SLC14A2: variants seen among roughly 807,000 people sequenced by gnomAD.
SLC14A2 encodes the protein solute carrier family 14 member 2.
A neutral mutation model predicts 104.6 loss-of-function variants in SLC14A2; 91 were observed. The ratio of observed to expected loss-of-function variants is 0.87; its 90% CI spans 0.73 to 1.04. SLC14A2 has a LOEUF of 1.04. SLC14A2 is among the 50% of genes least tolerant of loss of function. SLC14A2 has a pLI of 0.00. For missense variants in SLC14A2, 1,189 were observed against 1,156.0 expected (o/e 1.03, Z -0.41); for synonymous variants, 476 against 466.4 (o/e 1.02, Z -0.27).
chr18:45,174,659 G>A, the SLC14A2 span, among the ~76,000 whole-genome samples: 5 of 152,082 alleles, frequency 3.3e-5, no homozygotes, highest in South Asian at 4.1e-4. Context: ...TATTAACAGA[G>A]AATTCAGGAA....
chr18:45,305,719 G>T (rs934679119), intron 1 of SLC14A2, among the ~76,000 whole-genome samples: 1 of 152,036 alleles, frequency 6.6e-6, no homozygotes, highest in Non-Finnish European at 1.5e-5. Flanking sequence ...TCCCCTGCCA[G>T]ATTTCTTCTC....
intron 1 of SLC14A2, among the ~76,000 whole-genome samples, chr18:45,285,661 G>GGCCCCC (rs2084805921): frequency 8.0e-6 from 1 of 124,982 alleles, no homozygotes; most frequent in Non-Finnish European, 1.8e-5. Flanking sequence ...CAGGTGATCT[G>GGCCCCC]CCCCCCCCCC....
At chr18:45,373,292 G>A (rs888592491) in intron 1 of SLC14A2, among the ~76,000 whole-genome samples, 4 of 151,706 alleles carry the variant, frequency 2.6e-5, no homozygotes, top group Non-Finnish European at 5.9e-5. Flanking sequence ...TATATTATTC[G>A]GCTCCAGGCT....
chr18:45,666,319 G>A (rs1339905970), intron 12 of SLC14A2, 100 bp downstream of exon 12: 2 of 752,800 alleles, frequency 2.7e-6, no homozygotes, highest in Non-Finnish European at 4.6e-6. Flanking sequence ...CTCCGATTTA[G>A]GCAAACTTTT....
At position 45,682,705 on chromosome 18, in the gene SLC14A2, G is replaced by T. The variant is rs1369490499; in HGVS notation, c.*186G>T. 2 of 597,774 alleles carry T rather than the reference G, an allele frequency of 3.3e-6. No homozygotes were observed. The highest frequency in any genetic ancestry group is 5.7e-5 in the East Asian group (2 of 35,066). 37.0% of individuals were successfully genotyped at this position (597,774 alleles called of 1,614,324 possible). A position where few individuals can be genotyped will look rare whatever the true frequency, so the allele number is the denominator to read the frequency against. ...TCTAAGATGCACAACACTTATCAAA[G>T]ATATGTTTAGTTTAGACTTTATACC... On this transcript the variant is annotated 3_prime_UTR_variant, in exon 20 of 20. Coordinates refer to ENST00000255226, the MANE Select transcript of SLC14A2 (RefSeq NM_007163.4).
intron 1 of SLC14A2, among the ~76,000 whole-genome samples, chr18:45,619,296 G>A (rs1395538467): frequency 2.0e-5 from 3 of 152,244 alleles, no homozygotes; most frequent in Non-Finnish European, 4.4e-5. Context: ...CCGCCCTCTT[G>A]CCCTCTGCCC....
intron 1 of SLC14A2, among the ~76,000 whole-genome samples, chr18:45,220,318 T>G (rs2084049395): frequency 6.6e-6 from 1 of 152,156 alleles, no homozygotes; most frequent in African/African-American, 2.4e-5. Context: ...GTAAACACCA[T>G]CTAGAAGGAA....
intron 2 of SLC14A2, among the ~76,000 whole-genome samples, chr18:45,523,788 C>T (rs976015303): frequency 2.6e-5 from 4 of 152,170 alleles, no homozygotes; most frequent in Admixed American, 6.5e-5. Flanking sequence ...CCTTTAAGGG[C>T]ACTATTTCAC....
At chr18:45,543,426 C>T (rs556004405) in intron 2 of SLC14A2, among the ~76,000 whole-genome samples, 2 of 152,218 alleles carry the variant, frequency 1.3e-5, no homozygotes, top group South Asian at 4.2e-4. Flanking sequence ...GCATGAGACT[C>T]TTAAATACAC....
chr18:45,225,988 C>A (rs1428632730), intron 1 of SLC14A2, among the ~76,000 whole-genome samples: 1 of 152,132 alleles, frequency 6.6e-6, no homozygotes, highest in Non-Finnish European at 1.5e-5. Context: ...AATGAAACAA[C>A]CCCATCAAAA....
At chr18:45,648,801 T>C (rs530194365) in intron 10 of SLC14A2, among the ~76,000 whole-genome samples, 1 of 152,350 alleles carries the variant, frequency 6.6e-6, no homozygotes, top group Admixed American at 6.5e-5. Flanking sequence ...CTTTTTTGTT[T>C]TTTCATTGTT....
intron 2 of SLC14A2, chr18:45,542,147 C>G (rs1598983827): frequency 7.0e-6 from 1 of 141,908 alleles, no homozygotes; most frequent in East Asian, 2.2e-4. Context: ...GAAATAGCCT[C>G]TAGCATTATC....
chr18:45,254,248 T>C (rs574601823), intron 1 of SLC14A2, among the ~76,000 whole-genome samples: 1 of 152,316 alleles, frequency 6.6e-6, no homozygotes, highest in Admixed American at 6.5e-5. Flanking sequence ...AATGGTCTGT[T>C]AACTGGGTAA....
At chr18:45,308,340 T>A (rs570697949) in intron 1 of SLC14A2, among the ~76,000 whole-genome samples, 42 of 152,340 alleles carry the variant, frequency 2.8e-4, no homozygotes, top group African/African-American at 1.0e-3. Context: ...CTAAGTAACT[T>A]GTTCAAGGTC....
At chr18:45,539,374 A>G (rs2043849779) in intron 2 of SLC14A2, among the ~76,000 whole-genome samples, 1 of 152,248 alleles carries the variant, frequency 6.6e-6, no homozygotes, top group South Asian at 2.1e-4. Flanking sequence ...CCCACCTGCC[A>G]GGACAGAGGA....
intron 1 of SLC14A2, among the ~76,000 whole-genome samples, chr18:45,217,575 C>T (rs547164752): frequency 1.3e-5 from 2 of 152,080 alleles, no homozygotes; most frequent in Admixed American, 6.6e-5. Flanking sequence ...CTTCCTCCCC[C>T]ACATCCCTAG....
chr18:45,254,018 G>C (rs972365848), intron 1 of SLC14A2, among the ~76,000 whole-genome samples: 1 of 152,114 alleles, frequency 6.6e-6, no homozygotes, highest in Non-Finnish European at 1.5e-5. Context: ...CCAAAGGACC[G>C]AACGCTAGAA....
chr18:45,373,807 G>A (rs910084424), intron 1 of SLC14A2, among the ~76,000 whole-genome samples: 3 of 152,116 alleles, frequency 2.0e-5, no homozygotes, highest in South Asian at 2.1e-4. Context: ...TCTATGCTTC[G>A]GTTCTCCTAA....
chr18:45,575,934 T>A (rs1599022471), intron 2 of SLC14A2, among the ~76,000 whole-genome samples: 1 of 152,206 alleles, frequency 6.6e-6, no homozygotes, highest in Non-Finnish European at 1.5e-5. Context: ...GAGATATTCC[T>A]GGTGCCCCGG....
Sources: gnomAD v4.1 joint callset for allele counts (sites outside exome capture counted in the v4.1 genomes callset) on GRCh38, gnomAD v4.1.1 for gene constraint, MANE v1.5 for transcripts, NCBI Gene and HGNC (gene_info 2026-07-23, HGNC 2026-07-21) for gene names.